Variants in RBM28 observed in about 807,000 individuals in gnomAD.
The protein encoded by RBM28 is RNA-binding protein 28.
In RBM28, 78 loss-of-function variants were observed where a neutral mutation model predicts 98.3. That is an observed-to-expected ratio of 0.79 (90% CI 0.66 to 0.96). The LOEUF (loss-of-function observed/expected upper bound fraction) is 0.96, where lower values mean the gene tolerates loss of function less well. RBM28 is among the 40% of genes least tolerant of loss of function. The pLI, the probability that RBM28 is intolerant of heterozygous loss-of-function variation, is 0.00. For missense variants in RBM28, 838 were observed against 913.0 expected, an observed-to-expected ratio of 0.92 and a Z score of 1.06; for synonymous variants, 306 against 330.9, an observed-to-expected ratio of 0.92 and a Z score of 0.82.
At chr7:128,330,978 G>T in intron 9 of RBM28, 50 bp from the exon 10 acceptor site, 2 of 1,208,074 alleles carry the variant, frequency 1.7e-6, no homozygotes, top group Non-Finnish European at 2.5e-6. Flanking sequence ...ACATAAGTGA[G>T]ATCCTATGTT....
At chr7:128,319,877 A>G (rs1200914876) in intron 14 of RBM28, among the ~76,000 whole-genome samples, 1 of 152,222 alleles carries the variant, frequency 6.6e-6, no homozygotes, top group African/African-American at 2.4e-5. Context: ...ATTTGCGACC[A>G]GCCTGGGCAA....
chr7:128,318,305 C>T (rs892326061), intron 14 of RBM28, among the ~76,000 whole-genome samples, 199 bp from the exon 15 acceptor site: 11 of 151,822 alleles, frequency 7.2e-5, no homozygotes, highest in Non-Finnish European at 1.6e-4. Flanking sequence ...GGCAACATGG[C>T]AAAACCTTGT....
At position 128,330,829 on chromosome 7, in the gene RBM28, C is replaced by T; in HGVS notation, c.1119G>A (p.Glu373=). ...GCTGACAACACATACCTTTAGAATGCTCTGTGTCTGGATGCAAGACAATGC... is the reference window on the plus strand; with the variant it reads ...GCTGACAACACATACCTTTAGAATGTTCTGTGTCTGGATGCAAGACAATGC... ...YVRIVLHPDT[E]HSKGCAFAQF... Residue 373 remains glutamate (E), a synonymous_variant, in exon 10 of 19, where the codon GAG becomes GAA. Coordinates refer to ENST00000223073, the MANE Select transcript of RBM28 (RefSeq NM_018077.3). The T allele has an allele frequency of 1.2e-6, 2 of 1,612,244 alleles. No individual in the cohort carries two copies. Among genetic ancestry groups the T allele is most frequent in the Non-Finnish European group, 1.7e-6 (2 of 1,178,280 alleles).
chr7:128,339,134 A>C, intron 3 of RBM28, 93 bp downstream of exon 3: 1 of 1,175,034 alleles, frequency 8.5e-7, no homozygotes, highest in Non-Finnish European at 1.3e-6. Flanking sequence ...ATTAAGCCCA[A>C]TTATACCATC....
chr7:128,317,612 T>G (rs1376416862), intron 16 of RBM28, 47 bp downstream of exon 16: 2 of 1,397,464 alleles, frequency 1.4e-6, no homozygotes, highest in Non-Finnish European at 2.0e-6. Context: ...TTGAACAAAA[T>G]AGAAGAGTTT....
rs990189164 is a variant in RBM28 at position 128,307,961 on chromosome 7, C to G, written c.*2836G>C. 4 of 152,116 alleles carry G rather than the reference C, an allele frequency of 2.6e-5. No homozygotes were observed. The highest frequency in any genetic ancestry group is 9.7e-5 in the African/African-American group (4 of 41,424). 9.4% of individuals were successfully genotyped at this position (152,116 alleles called of 1,614,324 possible). A position where few individuals can be genotyped will look rare whatever the true frequency, so the allele number is the denominator to read the frequency against. The stretch of plus-strand genomic sequence containing the variant: ...TGTGCCCCACCTGTTGTTTTTTAAC[C>G]AAGCAATCTGCAACTCAACTTTCAT... On this transcript the variant is annotated 3_prime_UTR_variant, in exon 19 of 19. Transcript: ENST00000223073.
chr7:128,329,479 G>A (rs1452538313), intron 10 of RBM28, among the ~76,000 whole-genome samples: 2 of 152,212 alleles, frequency 1.3e-5, no homozygotes, highest in African/African-American at 2.4e-5. Flanking sequence ...GCTTAGAATG[G>A]AGGTAGGTTC....
rs185857642 is a variant in RBM28 at position 128,304,620 on chromosome 7, T to G, written c.*6177A>C. 2 of 152,482 alleles carry G rather than the reference T, an allele frequency of 1.3e-5. No individual in the cohort carries two copies. The highest frequency in any genetic ancestry group is 2.9e-5 in the Non-Finnish European group (2 of 68,172). 9.4% of individuals were successfully genotyped at this position (152,482 alleles called of 1,614,324 possible). A position where few individuals can be genotyped will look rare whatever the true frequency, so the allele number is the denominator to read the frequency against. ...GCTGGTTTGGTGAGGGAGGCTGCTT[T>G]CAGATTTCAAGTGGACACTGCTGGC... On this transcript the variant is annotated 3_prime_UTR_variant, in exon 19 of 19. Coordinates refer to ENST00000223073, the MANE Select transcript of RBM28 (RefSeq NM_018077.3).
chr7:128,316,932 G>A (rs1053808963), intron 16 of RBM28, among the ~76,000 whole-genome samples: 1 of 152,192 alleles, frequency 6.6e-6, no homozygotes, highest in Non-Finnish European at 1.5e-5. Context: ...TGCTGTATAT[G>A]CAAGGGAACT....
chr7:128,339,753 A>T lies in RBM28; in HGVS notation c.157T>A (p.Ser53Thr), dbSNP rs142268409. The T allele has an allele frequency of 3.1e-6, 5 of 1,614,060 alleles. No homozygotes were observed. In the Middle Eastern group the frequency reaches 8.2e-4, roughly 266 times the overall value. The change falls in exon 2 of 19, where the codon TCA becomes ACA. Residue 53 changes from serine to threonine, a missense_variant. Physicochemically the swap from Ser to Thr is moderately conservative, Grantham distance 58 (BLOSUM62 1). Transcript: ENST00000223073. ...ACRGFGYVTFSMLEDVQRALK... is the reference protein window; with the variant it reads ...ACRGFGYVTFTMLEDVQRALK... ...GCCCTCTGAACATCTTCCAGCATTG[A>T]AAAAGTGACATAGCCAAAGCCTCGA...
At chr7:128,340,734 C>G (rs1584666377) in intron 1 of RBM28, among the ~76,000 whole-genome samples, 1 of 152,292 alleles carries the variant, frequency 6.6e-6, no homozygotes, top group East Asian at 1.9e-4. Context: ...CCACTATTAC[C>G]AACGCCTTAG....
intron 2 of RBM28, 144 bp downstream of exon 2, chr7:128,339,489 C>T: frequency 8.2e-7 from 1 of 1,214,586 alleles, no homozygotes; most frequent in African/African-American, 1.5e-5. Context: ...ATGAGTATCA[C>T]AATACACTGG....
rs559300079 is a variant in RBM28, at chr7:128,310,869, T to C, written c.2208A>G (p.Gln736=). ...AAGGTCCCAATAATTTCTGCTTATA[T>C]TGTTCGACCAGCTGGTTGAAGCGGG... The part of the protein sequence containing the change: ...TETRFNQLVE[Q]YKQKLLGPSK... The change falls in exon 19 of 19, where the codon CAA becomes CAG. Residue 736 remains glutamine, a synonymous_variant. Coordinates refer to ENST00000223073, the MANE Select transcript of RBM28 (RefSeq NM_018077.3). 274 of 1,614,106 alleles carry C rather than the reference T, an allele frequency of 1.7e-4. 2 individuals are homozygous for C. In the South Asian group the frequency reaches 2.9e-3, roughly 17 times the overall value.
chr7:128,339,150 G>A, intron 3 of RBM28, 77 bp downstream of exon 3: 1 of 1,244,370 alleles, frequency 8.0e-7, no homozygotes, highest in Non-Finnish European at 1.2e-6. Flanking sequence ...CCATCTTGGT[G>A]AGGAGTTCTA....
chr7:128,333,255 C>T (rs370928312), intron 9 of RBM28, 35 bp downstream of exon 9: 105 of 1,500,176 alleles, frequency 7.0e-5, no homozygotes, highest in Non-Finnish European at 4.4e-5. Flanking sequence ...CTATGAAGAC[C>T]ACGCAAAAGC....
Position 128,305,346 on chromosome 7 carries a change from T to C in RBM28, c.*5451A>G, listed in dbSNP as rs1045277415. 1 of 152,074 alleles carries C rather than the reference T, an allele frequency of 6.6e-6. No homozygotes were observed. Among genetic ancestry groups the C allele is most frequent in the Non-Finnish European group, 1.5e-5 (1 of 68,036 alleles). 9.4% of individuals were successfully genotyped at this position (152,074 alleles called of 1,614,324 possible). A position where few individuals can be genotyped will look rare whatever the true frequency, so the allele number is the denominator to read the frequency against. On this transcript the variant is annotated 3_prime_UTR_variant, in exon 19 of 19. Coordinates refer to ENST00000223073, the MANE Select transcript of RBM28 (RefSeq NM_018077.3). The stretch of plus-strand genomic sequence containing the variant: ...AGTAGTATCCAAAGCAAAAATTTCA[T>C]CAGAAGGATGGCATTGGAGTCTCTT...
At position 128,314,787 on chromosome 7, in the gene RBM28, G is replaced by A. The variant is rs1796070413; in HGVS notation, c.2022C>T (p.Pro674=). Residue 674 remains proline, a synonymous_variant, in exon 17 of 19, where the codon CCC becomes CCT. Coordinates refer to ENST00000223073, the MANE Select transcript of RBM28 (RefSeq NM_018077.3). The part of the protein sequence containing the change: ...GKKRRKVLAL[P]SHRGPKIRLR... Reference sequence around the variant, plus strand: ...ACCTGATTTTGGGGCCTCGGTGTGAGGGGAGCGCCAGGACCTTTCTTCTCT... The same window carrying A: ...ACCTGATTTTGGGGCCTCGGTGTGAAGGGAGCGCCAGGACCTTTCTTCTCT... 8 of 1,614,226 alleles carry A rather than the reference G, an allele frequency of 5.0e-6. No individual in the cohort carries two copies. Among genetic ancestry groups the A allele is most frequent in the Non-Finnish European group, 6.8e-6 (8 of 1,180,044 alleles).
chr7:128,324,138 A>T (rs955599041), intron 12 of RBM28, among the ~76,000 whole-genome samples: 14 of 152,240 alleles, frequency 9.2e-5, no homozygotes, highest in Non-Finnish European at 8.8e-5. Flanking sequence ...GAATTTTTTT[A>T]AAAATTTAAA....
chr7:128,338,664 T>A (rs965944649), intron 4 of RBM28, 62 bp downstream of exon 4: 66 of 1,188,930 alleles, frequency 5.6e-5, no homozygotes, highest in Admixed American at 5.3e-4. Flanking sequence ...ATATCATATA[T>A]GTTTGTTCAA....
Sources: allele counts gnomAD v4.1 joint callset (sites outside exome capture counted in the v4.1 genomes callset), GRCh38; gene constraint gnomAD v4.1.1; transcripts MANE v1.5; gene names NCBI Gene and HGNC (gene_info 2026-07-23, HGNC 2026-07-21).